Variants in SLC24A1 observed in about 807,000 individuals in gnomAD.
SLC24A1 encodes sodium/potassium/calcium exchanger 1.
Under a neutral mutation model 88.1 loss-of-function variants are expected in SLC24A1, and 52 were observed. The observed-to-expected ratio is 0.59, with a 90% CI of 0.47 to 0.74. SLC24A1 has a LOEUF of 0.74. Among genes scored for constraint, SLC24A1 ranks in the 30% least tolerant of loss-of-function variants. The pLI, the probability that SLC24A1 is intolerant of heterozygous loss-of-function variation, is 0.00. For synonymous variants in SLC24A1, 455 were observed against 498.0 expected, an observed-to-expected ratio of 0.91 and a Z score of 1.15; for missense variants, 1,173 against 1,363.3, an observed-to-expected ratio of 0.86 and a Z score of 2.20.
chr15:65,635,446 CAAAAAA>C (rs56960432), intron 2 of SLC24A1, among the ~76,000 whole-genome samples: 598 of 58,358 alleles, frequency 0.01, 6 homozygotes, highest in Middle Eastern at 0.017. Flanking sequence ...ACTCCGTCTC[CAAAAAA>C]AAAAAAAAAA....
Position 65,624,533 on chromosome 15 carries a change from GACTT to G in SLC24A1, c.457_460del (p.Tyr153ThrfsTer9). 1 of 1,602,490 alleles carries G rather than the reference GACTT, an allele frequency of 6.2e-7. No individual in the cohort carries two copies. The highest frequency in any genetic ancestry group is 1.1e-5 in the South Asian group (1 of 89,370). Reference sequence around the variant, plus strand: ...ACACCCCAACATCCAGTAGAACACTGACTTACTACACCTCAACTTCAAGCAGACA... The same window carrying G: ...ACACCCCAACATCCAGTAGAACACTGACTACACCTCAACTTCAAGCAGACA... On this transcript the variant is annotated frameshift_variant, in exon 2 of 10. Coordinates refer to ENST00000261892, the MANE Select transcript of SLC24A1 (RefSeq NM_004727.3). LOFTEE classifies it high-confidence loss of function.
At chr15:65,659,329 T>G (rs1430015782), downstream of SLC24A1, 2 of 124,644 alleles carry the variant, frequency 1.6e-5, no homozygotes, top group African/African-American at 2.9e-5. Context: ...CTGGTTTTTT[T>G]TTTTTTTTTT....
chr15:65,652,187 A>G, intron 8 of SLC24A1: 1 of 313,644 alleles, frequency 3.2e-6, no homozygotes, highest in South Asian at 3.0e-5. Context: ...ATAATTGTTT[A>G]CTAGCTTTCC....
chr15:65,618,848 C>A (rs1357797606), upstream of SLC24A1: 2 of 152,258 alleles, frequency 1.3e-5, no homozygotes, highest in Admixed American at 6.5e-5. Flanking sequence ...CACTGAAGTC[C>A]TCTGAAATCA....
At chr15:65,621,287 C>T (rs2074310290), upstream of SLC24A1, among the ~76,000 whole-genome samples, 1 of 152,170 alleles carries the variant, frequency 6.6e-6, no homozygotes, top group Non-Finnish European at 1.5e-5. Flanking sequence ...ACCCTACTCC[C>T]ACTTTGATCA....
At chr15:65,645,832 C>CTT (rs1426032772) in intron 6 of SLC24A1, 129 bp downstream of exon 6, 11 of 641,086 alleles carry the variant, frequency 1.7e-5, no homozygotes, top group Admixed American at 5.8e-5. Context: ...AAATATTACC[C>CTT]TTTCTCTGAA....
chr15:65,621,741 A>G (rs73486757), upstream of SLC24A1, among the ~76,000 whole-genome samples: 1,857 of 152,198 alleles, frequency 0.012, 40 homozygotes, highest in African/African-American at 0.043. Context: ...CTTAGAAACA[A>G]GTTTGAGAAA....
chr15:65,652,237 C>T (rs2075533519), intron 8 of SLC24A1: 1 of 290,410 alleles, frequency 3.4e-6, no homozygotes, highest in Admixed American at 4.9e-5. Context: ...TCATCCTGCT[C>T]ATACTTCACC....
At chr15:65,649,548 G>C (rs940631890) in intron 6 of SLC24A1, among the ~76,000 whole-genome samples, 7 of 151,020 alleles carry the variant, frequency 4.6e-5, no homozygotes, top group Non-Finnish European at 5.9e-5. Context: ...TATAAACCAC[G>C]TGGACCATGG....
At chr15:65,660,177 G>A, downstream of SLC24A1, 1 of 734,970 alleles carries the variant, frequency 1.4e-6, no homozygotes, top group Admixed American at 2.1e-5. Flanking sequence ...TTACAAAGGA[G>A]AGGCAGATAT....
intron 2 of SLC24A1, among the ~76,000 whole-genome samples, chr15:65,615,614 GAGGT>G (rs1310125292): frequency 6.6e-6 from 1 of 151,920 alleles, no homozygotes; most frequent in African/African-American, 2.4e-5. Flanking sequence ...CCGGGAGGTG[GAGGT>G]TGCAGTGAAC....
chr15:65,642,169 T>TGTTC (rs2075150827), intron 4 of SLC24A1, among the ~76,000 whole-genome samples: 1 of 152,184 alleles, frequency 6.6e-6, no homozygotes, highest in African/African-American at 2.4e-5. Context: ...TGAGGGCCTT[T>TGTTC]GTTCCCCAGG....
intron 5 of SLC24A1, among the ~76,000 whole-genome samples, chr15:65,644,739 G>T (rs992717633): frequency 6.6e-5 from 10 of 152,238 alleles, no homozygotes; most frequent in Non-Finnish European, 1.2e-4. Flanking sequence ...GCTGGTCTGA[G>T]AGTGGCCCCA....
Position 65,624,764 on chromosome 15 carries a change from C to G in SLC24A1, c.684C>G (p.Thr228=), listed in dbSNP as rs771524909. The change falls in exon 2 of 10, where the codon ACC becomes ACG. Residue 228 remains threonine (T), a synonymous_variant. Transcript: ENST00000261892. ...TGAAAGACAGTGACATTACAGCAAC[C>G]TATAAAATACTCGAAACCAACTCTC... ...TTVKDSDITA[T]YKILETNSLK... 24 of 1,613,722 alleles carry G rather than the reference C, an allele frequency of 1.5e-5. No homozygotes were observed. The highest frequency in any genetic ancestry group is 1.9e-5 in the Non-Finnish European group (23 of 1,179,810).
At chr15:65,617,336 G>T (rs1429744790), upstream of SLC24A1, among the ~76,000 whole-genome samples, 3 of 152,132 alleles carry the variant, frequency 2.0e-5, no homozygotes, top group Non-Finnish European at 4.4e-5. Flanking sequence ...CCATTTTCAC[G>T]ATATTGATTC....
intron 7 of SLC24A1, 81 bp from the exon 8 acceptor site, chr15:65,651,589 G>T: frequency 1.3e-6 from 1 of 742,854 alleles, no homozygotes; most frequent in Non-Finnish European, 2.4e-6. Flanking sequence ...CCTTGTCACT[G>T]ATTGTTGGGC....
chr15:65,644,302 A>G (rs956487611), intron 4 of SLC24A1, 125 bp from the exon 5 acceptor site: 15 of 722,330 alleles, frequency 2.1e-5, no homozygotes, highest in South Asian at 1.8e-4. Flanking sequence ...CACAACCCCC[A>G]TGGCAGCCTT....
At chr15:65,630,240 T>G (rs934425947) in intron 2 of SLC24A1, among the ~76,000 whole-genome samples, 2 of 152,224 alleles carry the variant, frequency 1.3e-5, no homozygotes, top group African/African-American at 4.8e-5. Context: ...TCCTCTCACC[T>G]TGACCTCCCA....
Position 65,639,627 on chromosome 15 carries a change from G to T in SLC24A1, c.1977G>T (p.Ser659=), listed in dbSNP as rs754407932. ...CCTTGCTGACCCGAGGGAGCAGCTC[G>T]ACCTCTCTGCACAACAGCACCATCC... The part of the protein sequence containing the change: ...LPSLLTRGSS[S]TSLHNSTIRS... The change falls in exon 4 of 10, where the codon TCG becomes TCT. Residue 659 remains serine (S), a synonymous_variant. Transcript: ENST00000261892. 1.2e-6 allele frequency: 2 copies of T among 1,612,124 alleles called. No homozygotes were observed. The highest frequency in any genetic ancestry group is 2.2e-5 in the East Asian group (1 of 44,802).
Sources: allele counts gnomAD v4.1 joint callset (sites outside exome capture counted in the v4.1 genomes callset), GRCh38; gene constraint gnomAD v4.1.1; transcripts MANE v1.5; gene names NCBI Gene and HGNC (gene_info 2026-07-23, HGNC 2026-07-21).